CDKL3: variants seen among roughly 807,000 people sequenced by gnomAD.
The protein encoded by CDKL3 is cyclin-dependent kinase-like 3.
A neutral mutation model predicts 69.3 loss-of-function variants in CDKL3; 65 were observed. That is an observed-to-expected ratio of 0.94 (90% CI 0.77 to 1.15). The LOEUF (loss-of-function observed/expected upper bound fraction) is 1.15, where lower values mean the gene tolerates loss of function less well. Ranked by LOEUF, CDKL3 falls within the 50% of genes most tolerant of loss-of-function variation. The probability of loss-of-function intolerance (pLI) is 0.00; values close to 1 mark genes in which losing one functional copy is unlikely to be tolerated. For missense variants in CDKL3, 652 were observed against 689.2 expected (o/e 0.95, Z 0.61); for synonymous variants, 202 against 221.6 (o/e 0.91, Z 0.79).
intron 4 of CDKL3, among the ~76,000 whole-genome samples, chr5:134,344,071 G>C (rs1292404403): frequency 6.6e-6 from 1 of 152,148 alleles, no homozygotes; most frequent in East Asian, 1.9e-4. Flanking sequence ...TTCATCAAAT[G>C]GTGCTGGGAC....
At chr5:134,312,259 T>C (rs1211740889) in intron 7 of CDKL3, 33 bp downstream of exon 7, 3 of 1,337,340 alleles carry the variant, frequency 2.2e-6, no homozygotes, top group Admixed American at 2.2e-5. Context: ...ACAAAATGCT[T>C]TTAAAAAACC....
chr5:134,369,604 G>A (rs1052049731), upstream of CDKL3, among the ~76,000 whole-genome samples: 6 of 54,934 alleles, frequency 1.1e-4, no homozygotes, highest in African/African-American at 1.9e-4. Context: ...GTTGTTGCGG[G>A]ATTTTTTTGA....
At chr5:134,307,054 C>T (rs1056295202) in intron 9 of CDKL3, among the ~76,000 whole-genome samples, 13 of 152,058 alleles carry the variant, frequency 8.5e-5, no homozygotes, top group African/African-American at 2.2e-4. Context: ...CATGCCCGGC[C>T]GAAATGCCTT....
intron 12 of CDKL3, chr5:134,299,782 G>A (rs1387274772): frequency 7.3e-7 from 1 of 1,375,098 alleles, no homozygotes; most frequent in Non-Finnish European, 1.0e-6. Flanking sequence ...GTCTTTAATT[G>A]AGGACATGGT....
chr5:134,331,022 T>G (rs1474476884), intron 4 of CDKL3, among the ~76,000 whole-genome samples: 1 of 152,216 alleles, frequency 6.6e-6, no homozygotes. Flanking sequence ...CCATTGAAAG[T>G]TCTGCTCTCG....
chr5:134,324,152 A>G (rs775586871), intron 4 of CDKL3, among the ~76,000 whole-genome samples: 16 of 152,232 alleles, frequency 1.1e-4, no homozygotes, highest in Non-Finnish European at 2.2e-4. Flanking sequence ...ATACCACTAC[A>G]CACCTATTAG....
intron 9 of CDKL3, 64 bp downstream of exon 9, chr5:134,308,074 T>G (rs1768369747): frequency 6.7e-7 from 1 of 1,501,886 alleles, no homozygotes; most frequent in African/African-American, 1.4e-5. Context: ...ATGAACACGA[T>G]TCTTTGAAAT....
intron 9 of CDKL3, among the ~76,000 whole-genome samples, chr5:134,307,483 C>T (rs865997736): frequency 6.6e-5 from 10 of 152,186 alleles, no homozygotes; most frequent in Admixed American, 2.6e-4. Flanking sequence ...GCTTCACAAC[C>T]TGTGGCCCAA....
intron 7 of CDKL3, among the ~76,000 whole-genome samples, chr5:134,311,366 G>A (rs111546237): frequency 0.11 from 16,808 of 152,162 alleles, 1,049 homozygotes; most frequent in Admixed American, 0.16. Flanking sequence ...TTAGCCAGGC[G>A]TGGTGGCATG....
chr5:134,305,689 G>C (rs1028723460), intron 10 of CDKL3, among the ~76,000 whole-genome samples: 1 of 152,162 alleles, frequency 6.6e-6, no homozygotes, highest in Non-Finnish European at 1.5e-5. Context: ...GTATTCCACT[G>C]TATGAATGTA....
chr5:134,342,461 G>A (rs765712879), intron 4 of CDKL3, among the ~76,000 whole-genome samples: 4 of 152,032 alleles, frequency 2.6e-5, no homozygotes, highest in African/African-American at 4.8e-5. Flanking sequence ...TTAGCCAGAC[G>A]TAGTGGCGGA....
At chr5:134,348,940 G>A (rs1274298091) in intron 4 of CDKL3, among the ~76,000 whole-genome samples, 2 of 152,124 alleles carry the variant, frequency 1.3e-5, no homozygotes, top group East Asian at 3.8e-4. Context: ...AGTCTGTACA[G>A]GGTATCAACG....
intron 9 of CDKL3, among the ~76,000 whole-genome samples, chr5:134,307,727 G>C (rs981331867): frequency 5.3e-5 from 8 of 152,162 alleles, no homozygotes; most frequent in African/African-American, 1.9e-4. Context: ...ACCTTGAAAG[G>C]CTATTTGACT....
intron 10 of CDKL3, among the ~76,000 whole-genome samples, chr5:134,305,777 C>T (rs1405313666): frequency 6.6e-6 from 1 of 152,136 alleles, no homozygotes; most frequent in Non-Finnish European, 1.5e-5. Flanking sequence ...TAACATTGTG[C>T]TTCAATTTTG....
intron 12 of CDKL3, 134 bp downstream of exon 12, chr5:134,302,456 C>T (rs1417552078): frequency 8.2e-6 from 5 of 611,068 alleles, no homozygotes; most frequent in Admixed American, 3.1e-5. Context: ...AAATATAGAT[C>T]TGTTTCTTTA....
chr5:134,330,499 G>A (rs1775518738), intron 4 of CDKL3, among the ~76,000 whole-genome samples: 1 of 152,166 alleles, frequency 6.6e-6, no homozygotes. Context: ...CAGAGTGCTT[G>A]AGCTCAGGAG....
chr5:134,366,273 C>CAT (rs76000047), intron 2 of CDKL3, 86 bp downstream of exon 2: 85,095 of 864,204 alleles, frequency 0.098, 5,169 homozygotes, highest in African/African-American at 0.21. Flanking sequence ...TGAATCAGTA[C>CAT]GTGTGAACTA....
chr5:134,306,209 T>C (rs1767786843), intron 10 of CDKL3, among the ~76,000 whole-genome samples: 1 of 152,158 alleles, frequency 6.6e-6, no homozygotes, highest in South Asian at 2.1e-4. Context: ...TTAGAAGTGT[T>C]AGAGGCTGGG....
rs1384229067 is a variant in CDKL3, at chr5:134,350,322, T to A, written c.466A>T (p.Ile156Phe). 1.3e-6 allele frequency: 2 copies of A among 1,594,898 alleles called. No homozygotes were observed. The highest frequency in any genetic ancestry group is 1.7e-6 in the Non-Finnish European group (2 of 1,170,386). Residue 156 changes from isoleucine (I) to phenylalanine (F), a missense_variant, in exon 4 of 13, where the codon ATT (isoleucine) becomes TTT (phenylalanine). By Grantham distance (21) the Ile-to-Phe change is conservative (BLOSUM62 0). Coordinates refer to ENST00000265334, the MANE Select transcript of CDKL3 (RefSeq NM_001113575.2). Reference protein sequence around the residue: ...FARTLAAPGDIYTDYVATRWY... With the variant: ...FARTLAAPGDFYTDYVATRWY... ...CGTGTGGCCACATAGTCCGTATAAA[T>A]GTCCCCAGGAGCTGCTAGTGTTCGT...
Sources: allele counts gnomAD v4.1 joint callset (sites outside exome capture counted in the v4.1 genomes callset), GRCh38; gene constraint gnomAD v4.1.1; transcripts MANE v1.5; gene names NCBI Gene and HGNC (gene_info 2026-07-23, HGNC 2026-07-21).